Variants in SLIT3 observed in about 807,000 individuals in gnomAD.
SLIT3 encodes the protein slit guidance ligand 3.
In SLIT3, 68 loss-of-function variants were observed where a neutral mutation model predicts 184.0. That is an observed-to-expected ratio of 0.37 (90% CI 0.30 to 0.45). The LOEUF (loss-of-function observed/expected upper bound fraction) is 0.45, where lower values mean the gene tolerates loss of function less well. Among genes scored for constraint, SLIT3 ranks in the 20% least tolerant of loss-of-function variants. The probability of loss-of-function intolerance (pLI) is 1.00; values close to 1 mark genes in which losing one functional copy is unlikely to be tolerated. For synonymous variants in SLIT3, 831 were observed against 828.6 expected (o/e 1.00, Z -0.05); for missense variants, 1,707 against 2,026.0 (o/e 0.84, Z 3.02).
chr5:168,727,715 T>A (rs1205888404), intron 20 of SLIT3, among the ~76,000 whole-genome samples: 1 of 152,188 alleles, frequency 6.6e-6, no homozygotes, highest in Non-Finnish European at 1.5e-5. Flanking sequence ...TCTGAGTGAA[T>A]GCTTGCCCTA....
chr5:169,069,006 T>C (rs1221083779), intron 4 of SLIT3, among the ~76,000 whole-genome samples: 1 of 152,164 alleles, frequency 6.6e-6, no homozygotes, highest in East Asian at 1.9e-4. Flanking sequence ...GCATGAACCC[T>C]ACCACAATCA....
At chr5:169,244,875 C>A in intron 2 of SLIT3, 99 bp from the exon 3 acceptor site, 1 of 1,001,496 alleles carries the variant, frequency 1.0e-6, no homozygotes, top group South Asian at 1.3e-5. Flanking sequence ...CAGCCCTTCC[C>A]ATGATCGTCA....
chr5:168,950,244 T>A (rs1329735357), intron 4 of SLIT3, among the ~76,000 whole-genome samples: 1 of 152,062 alleles, frequency 6.6e-6, no homozygotes, highest in Non-Finnish European at 1.5e-5. Context: ...GAAGGCACCT[T>A]CTATGATCCA....
intron 5 of SLIT3, among the ~76,000 whole-genome samples, chr5:168,871,434 G>A (rs951285841): frequency 5.9e-5 from 9 of 152,048 alleles, no homozygotes; most frequent in Admixed American, 1.3e-4. Flanking sequence ...AGTTCTTTTC[G>A]TCCTTTCCAT....
intron 11 of SLIT3, among the ~76,000 whole-genome samples, chr5:168,787,495 G>C (rs1756198795): frequency 6.6e-6 from 1 of 152,162 alleles, no homozygotes; most frequent in Non-Finnish European, 1.5e-5. Flanking sequence ...TTTCAGGTCT[G>C]AGCTCAAACA....
chr5:168,702,352 G>A (rs1178880841), intron 26 of SLIT3, among the ~76,000 whole-genome samples: 1 of 152,156 alleles, frequency 6.6e-6, no homozygotes, highest in Non-Finnish European at 1.5e-5. Flanking sequence ...TAGAAAGTGA[G>A]GTAATATGGC....
chr5:168,868,760 AAAAAAAGAAAAAG>A (rs1759404861), intron 5 of SLIT3, among the ~76,000 whole-genome samples: 1 of 149,620 alleles, frequency 6.7e-6, no homozygotes, highest in African/African-American at 2.5e-5. Context: ...AAAAAAAAAA[AAAAAAAGAAAAAG>A]AAAAAGAAAA....
At chr5:168,882,735 G>A (rs947238170) in intron 5 of SLIT3, among the ~76,000 whole-genome samples, 3 of 152,116 alleles carry the variant, frequency 2.0e-5, no homozygotes, top group African/African-American at 7.2e-5. Context: ...CTAGGCCAGT[G>A]GAAATGGATC....
At chr5:168,956,556 G>A (rs1762833417) in intron 4 of SLIT3, among the ~76,000 whole-genome samples, 1 of 152,216 alleles carries the variant, frequency 6.6e-6, no homozygotes, top group South Asian at 2.1e-4. Flanking sequence ...AGCACATTGG[G>A]AGGCCAAGGC....
intron 4 of SLIT3, among the ~76,000 whole-genome samples, chr5:169,168,882 G>A (rs200949052): frequency 6.7e-6 from 1 of 148,354 alleles, no homozygotes; most frequent in African/African-American, 2.5e-5. Context: ...TGCTGGCATT[G>A]GCCAGTGGCC....
intron 12 of SLIT3, among the ~76,000 whole-genome samples, chr5:168,779,982 G>A (rs1018670183): frequency 7.9e-5 from 12 of 152,220 alleles, no homozygotes; most frequent in Non-Finnish European, 8.8e-5. Context: ...GCTCTGATCC[G>A]CTCTTCAATG....
chr5:168,749,381 G>A (rs1282906437), intron 19 of SLIT3, 91 bp downstream of exon 19: 8 of 1,453,208 alleles, frequency 5.5e-6, no homozygotes, highest in South Asian at 1.2e-5. Flanking sequence ...AAGTGGAATT[G>A]GATCTCAGGG....
intron 5 of SLIT3, among the ~76,000 whole-genome samples, chr5:168,874,098 A>G (rs1046652691): frequency 1.3e-5 from 2 of 152,196 alleles, no homozygotes; most frequent in Admixed American, 6.5e-5. Context: ...ATTATATTTT[A>G]TATGCCTGTT....
chr5:169,225,084 G>A (rs1167388105), intron 3 of SLIT3, among the ~76,000 whole-genome samples: 3 of 152,094 alleles, frequency 2.0e-5, no homozygotes, highest in African/African-American at 7.2e-5. Flanking sequence ...CTACTAATAA[G>A]GATACTCAAA....
chr5:168,690,581 C>T (rs1379629275), intron 29 of SLIT3, among the ~76,000 whole-genome samples: 1 of 152,212 alleles, frequency 6.6e-6, no homozygotes, highest in African/African-American at 2.4e-5. Flanking sequence ...TGTCCCCTCA[C>T]AGTATCCCAT....
intron 3 of SLIT3, among the ~76,000 whole-genome samples, chr5:169,230,830 CA>C (rs1213423702): frequency 1.4e-5 from 2 of 143,686 alleles, no homozygotes; most frequent in African/African-American, 4.9e-5. Flanking sequence ...TTTCCTCTGC[CA>C]AAATAAAACT....
At chr5:169,166,046 A>C (rs1325730364) in intron 4 of SLIT3, among the ~76,000 whole-genome samples, 1 of 152,210 alleles carries the variant, frequency 6.6e-6, no homozygotes, top group East Asian at 1.9e-4. Flanking sequence ...CAGGGAGGTT[A>C]AATAACTTGC....
intron 26 of SLIT3, chr5:168,707,715 A>G (rs2113305994): frequency 2.5e-6 from 1 of 407,860 alleles, no homozygotes; most frequent in Non-Finnish European, 4.4e-6. Flanking sequence ...TCACAAAGAA[A>G]ATACAAATGT....
At chr5:168,752,488 G>A (rs575902643) in intron 18 of SLIT3, 37 of 150,324 alleles carry the variant, frequency 2.5e-4, no homozygotes, top group East Asian at 6.5e-4. Flanking sequence ...TCCGCCTCCC[G>A]GGTTCCAGCA....
Sources: allele counts gnomAD v4.1 joint callset (sites outside exome capture counted in the v4.1 genomes callset), GRCh38; gene constraint gnomAD v4.1.1; transcripts MANE v1.5; gene names NCBI Gene and HGNC (gene_info 2026-07-23, HGNC 2026-07-21).